The following RGS6 variants were observed in gnomAD, a reference collection of about 807,000 sequenced individuals.
RGS6 encodes regulator of G-protein signaling 6.
A neutral mutation model predicts 78.5 loss-of-function variants in RGS6; 30 were observed. The observed-to-expected ratio is 0.38, with a 90% CI of 0.29 to 0.52. The LOEUF (loss-of-function observed/expected upper bound fraction) is 0.52, where lower values mean the gene tolerates loss of function less well. RGS6 is among the 20% of genes least tolerant of loss of function. The pLI, the probability that RGS6 is intolerant of heterozygous loss-of-function variation, is 0.85. For synonymous variants in RGS6, 206 were observed against 206.0 expected, an observed-to-expected ratio of 1.00 and a Z score of 0.00; for missense variants, 495 against 609.7, an observed-to-expected ratio of 0.81 and a Z score of 1.98.
chr14:72,391,179 C>G (rs2089887864), intron 3 of RGS6, among the ~76,000 whole-genome samples: 1 of 152,206 alleles, frequency 6.6e-6, no homozygotes, highest in African/African-American at 2.4e-5. Flanking sequence ...TTGTTTTTCT[C>G]TTCTACAGAC....
At chr14:72,173,898 A>G (rs1043887145) in intron 2 of RGS6, among the ~76,000 whole-genome samples, 3 of 152,148 alleles carry the variant, frequency 2.0e-5, no homozygotes, top group African/African-American at 7.2e-5. Flanking sequence ...GTGATTCGAG[A>G]GGATGCCCAG....
the RGS6 span, among the ~76,000 whole-genome samples, chr14:72,626,529 C>T: frequency 6.6e-6 from 1 of 152,096 alleles, no homozygotes; most frequent in Admixed American, 6.5e-5. Flanking sequence ...TTTTTTACAG[C>T]TGTATAGTAC....
At chr14:72,397,172 T>A (rs1259844565) in intron 3 of RGS6, among the ~76,000 whole-genome samples, 2 of 152,264 alleles carry the variant, frequency 1.3e-5, no homozygotes, top group African/African-American at 4.8e-5. Context: ...ATATCGATTC[T>A]TCCTAGCCTT....
At chr14:72,001,895 CTTTTTTTTT>C (rs59274317) in intron 2 of RGS6, among the ~76,000 whole-genome samples, 1 of 92,550 alleles carries the variant, frequency 1.1e-5, no homozygotes, top group Non-Finnish European at 2.0e-5. Flanking sequence ...ATCCATTAAT[CTTTTTTTTT>C]TTTTTTTTTT....
intron 2 of RGS6, among the ~76,000 whole-genome samples, chr14:72,274,214 C>G (rs1411851998): frequency 6.6e-6 from 1 of 152,214 alleles, no homozygotes; most frequent in East Asian, 1.9e-4. Context: ...GGTTCTGGCA[C>G]TATTCATCAT....
At chr14:72,345,354 G>T (rs1449232122) in intron 2 of RGS6, among the ~76,000 whole-genome samples, 1 of 152,140 alleles carries the variant, frequency 6.6e-6, no homozygotes, top group Non-Finnish European at 1.5e-5. Context: ...TTTTGTTGTG[G>T]TTACTTTCCA....
intron 2 of RGS6, among the ~76,000 whole-genome samples, chr14:72,013,271 C>CAAAAAAAAAA (rs59579709): frequency 7.8e-5 from 6 of 77,046 alleles, no homozygotes; most frequent in African/African-American, 1.8e-4. Flanking sequence ...ACTCCGTCTC[C>CAAAAAAAAAA]AAAAAAAAAA....
At chr14:72,234,608 C>A (rs1369355350) in intron 2 of RGS6, among the ~76,000 whole-genome samples, 1 of 152,044 alleles carries the variant, frequency 6.6e-6, no homozygotes, top group Non-Finnish European at 1.5e-5. Flanking sequence ...GGCTCCAGTG[C>A]CACCCTGCCT....
At chr14:72,448,159 G>A (rs2095413202) in intron 3 of RGS6, among the ~76,000 whole-genome samples, 1 of 152,188 alleles carries the variant, frequency 6.6e-6, no homozygotes, top group Admixed American at 6.5e-5. Context: ...GGCAGGTGGT[G>A]GGTAAGGGAC....
At chr14:72,290,225 A>G (rs1292724048) in intron 2 of RGS6, among the ~76,000 whole-genome samples, 1 of 152,198 alleles carries the variant, frequency 6.6e-6, no homozygotes, top group African/African-American at 2.4e-5. Flanking sequence ...CGTTACACCC[A>G]GTATGCTGCA....
chr14:72,220,772 C>T (rs1489090311), intron 2 of RGS6, among the ~76,000 whole-genome samples: 1 of 152,146 alleles, frequency 6.6e-6, no homozygotes, highest in African/African-American at 2.4e-5. Flanking sequence ...TTTATAGCAA[C>T]AAGGTTGATG....
chr14:72,428,510 C>A (rs1188431962), intron 3 of RGS6, among the ~76,000 whole-genome samples: 1 of 152,152 alleles, frequency 6.6e-6, no homozygotes, highest in Admixed American at 6.5e-5. Context: ...ATGTTCGAAG[C>A]AGTGAGTGGC....
At chr14:72,156,802 C>A (rs773618287) in intron 2 of RGS6, among the ~76,000 whole-genome samples, 3 of 152,200 alleles carry the variant, frequency 2.0e-5, no homozygotes, top group Non-Finnish European at 2.9e-5. Flanking sequence ...TTGGCGTGCC[C>A]ACACTGGGCT....
At chr14:72,465,657 GATGGGTGA>G in intron 6 of RGS6, 93 bp from the exon 7 acceptor site, 1 of 785,698 alleles carries the variant, frequency 1.3e-6, no homozygotes, top group African/African-American at 1.7e-5. Flanking sequence ...TGGATGGATG[GATGGGTGA>G]ATGGGTGAAT....
chr14:72,468,240 C>G (rs1442098024), intron 7 of RGS6, among the ~76,000 whole-genome samples: 2 of 152,044 alleles, frequency 1.3e-5, no homozygotes, highest in Admixed American at 1.3e-4. Flanking sequence ...TTAGCCAGGC[C>G]TAGTGGCACA....
intron 2 of RGS6, among the ~76,000 whole-genome samples, chr14:72,033,751 A>G (rs1474584279): frequency 2.0e-5 from 3 of 152,214 alleles, no homozygotes; most frequent in African/African-American, 7.2e-5. Flanking sequence ...GACTGTCTGT[A>G]TATCTAAGGG....
At chr14:72,422,647 G>A (rs2094246330) in intron 3 of RGS6, among the ~76,000 whole-genome samples, 1 of 152,174 alleles carries the variant, frequency 6.6e-6, no homozygotes, top group Non-Finnish European at 1.5e-5. Context: ...TGGGGAGTGG[G>A]TGCCCACAGC....
chr14:72,396,461 T>C (rs2091298014), intron 3 of RGS6, among the ~76,000 whole-genome samples: 1 of 152,122 alleles, frequency 6.6e-6, no homozygotes, highest in Admixed American at 6.5e-5. Flanking sequence ...GTCAGATGAG[T>C]AGGTTGCAAA....
chr14:71,917,101 G>A, the RGS6 span, among the ~76,000 whole-genome samples: 5 of 152,238 alleles, frequency 3.3e-5, no homozygotes, highest in African/African-American at 9.6e-5. Context: ...GCTGCTTTAA[G>A]ATCCTGGGTC....
Sources: gnomAD v4.1 joint callset for allele counts (sites outside exome capture counted in the v4.1 genomes callset) on GRCh38, gnomAD v4.1.1 for gene constraint, MANE v1.5 for transcripts, NCBI Gene and HGNC (gene_info 2026-07-23, HGNC 2026-07-21) for gene names.